XPO1: variants seen among roughly 807,000 people sequenced by gnomAD.
The protein encoded by XPO1 is exportin 1.
XPO1 carries 5 observed loss-of-function variants against 133.3 expected under a neutral mutation model. That is an observed-to-expected ratio of 0.04 (90% CI 0.02 to 0.08). The LOEUF is 0.08. XPO1 is among the 10% of genes least tolerant of loss of function. The probability of loss-of-function intolerance (pLI) is 1.00; values close to 1 mark genes in which losing one functional copy is unlikely to be tolerated. For missense variants in XPO1, 506 were observed against 1,267.5 expected (o/e 0.40, Z 9.12); for synonymous variants, 419 against 408.2 (o/e 1.03, Z -0.32).
chr2:61,515,848 C>G (rs1446394282), intron 4 of XPO1, among the ~76,000 whole-genome samples: 1 of 149,914 alleles, frequency 6.7e-6, no homozygotes, highest in Non-Finnish European at 1.5e-5. Context: ...CTTTGGGAGG[C>G]CGAGGAGGGT....
chr2:61,529,906 G>A (rs1457756241), intron 2 of XPO1, among the ~76,000 whole-genome samples: 3 of 152,130 alleles, frequency 2.0e-5, no homozygotes, highest in African/African-American at 7.2e-5. Flanking sequence ...GTGAGTCTGT[G>A]GTTACAAGAG....
Position 61,481,172 on chromosome 2 carries a change from A to G in XPO1, c.3069+13T>C. The G allele has an allele frequency of 6.4e-7, 1 of 1,573,054 alleles. No individual in the cohort carries two copies. The highest frequency in any genetic ancestry group is 8.7e-7 in the Non-Finnish European group (1 of 1,155,344). On this transcript the variant is annotated intron_variant, in intron 24 of 24. Coordinates refer to ENST00000401558, the MANE Select transcript of XPO1 (RefSeq NM_003400.4). Reference sequence around the variant, plus strand: ...TACCCCTAATATTTCTGCAAGAGCAAATAAATACATACCTTTATTTGAACT... The same window carrying G: ...TACCCCTAATATTTCTGCAAGAGCAGATAAATACATACCTTTATTTGAACT...
rs1443302048 is a variant in XPO1, at chr2:61,497,132, A to G, written c.760-125T>C. 4 of 1,200,468 alleles carry G rather than the reference A, an allele frequency of 3.3e-6. No homozygotes were observed. In the East Asian group the frequency reaches 7.9e-5, roughly 24 times the overall value. The allele number at this position is 1,200,468 out of a possible 1,614,324, so 74.4% of individuals were successfully genotyped here. A position where few individuals can be genotyped will look rare whatever the true frequency, so the allele number is the denominator to read the frequency against. ...TAGGGGTAGATGTCAAAAACAGGCCAAGTGAATGAACATATTTTATCATGC... is the reference window on the plus strand; with the variant it reads ...TAGGGGTAGATGTCAAAAACAGGCCGAGTGAATGAACATATTTTATCATGC... On this transcript the variant is annotated intron_variant, in intron 9 of 24. Transcript: ENST00000401558.
chr2:61,499,052 CAGA>C (rs1697377412), intron 7 of XPO1, 139 bp from the exon 8 acceptor site: 5 of 998,574 alleles, frequency 5.0e-6, no homozygotes, highest in African/African-American at 4.9e-5. Context: ...GAGGCCATGG[CAGA>C]AGGATTGTTT....
chr2:61,488,821 G>A (rs771849351), intron 17 of XPO1, 50 bp from the exon 18 acceptor site: 2 of 1,589,742 alleles, frequency 1.3e-6, no homozygotes, highest in South Asian at 2.3e-5. Flanking sequence ...ATTATCCACG[G>A]CTGGGAACAG....
In XPO1 at chr2:61,502,358, A is replaced by G. The variant is rs555336144; in HGVS notation, c.302-48T>C. 19 of 1,543,572 alleles carry G rather than the reference A, an allele frequency of 1.2e-5. 1 individual carries two copies. In the South Asian group the frequency reaches 1.9e-4, roughly 15 times the overall value. On this transcript the variant is annotated intron_variant, in intron 4 of 24. Coordinates refer to ENST00000401558, the MANE Select transcript of XPO1 (RefSeq NM_003400.4). ...TAAAAAAATTGTTGAGCTCTTTTGT[A>G]GCATGCAAATAAATTTTGAGAACTA... is the stretch of plus-strand genomic sequence containing the variant.
chr2:61,492,813 CATTTAGAAAAT>C lies in XPO1; in HGVS notation c.1385-76_1385-66del, dbSNP rs1189149471. 1.3e-6 allele frequency: 2 copies of C among 1,564,818 alleles called. No homozygotes were observed. Among genetic ancestry groups the C allele is most frequent in the African/African-American group, 1.4e-5 (1 of 72,956 alleles). On this transcript the variant is annotated intron_variant, in intron 13 of 24. Transcript: ENST00000401558. The surrounding 1 kb of genome is among the most constrained non-coding windows in gnomAD (Gnocchi z 5.6). ...AGAATTTTATTGATGAGTAACAATA[CATTTAGAAAAT>C]ATTTAGAAACTACAAGTACATTTCC...
chr2:61,501,098 T>C (rs760377473), intron 6 of XPO1, among the ~76,000 whole-genome samples: 26 of 152,136 alleles, frequency 1.7e-4, no homozygotes, highest in Non-Finnish European at 1.2e-4. Context: ...TTCTCTCCTC[T>C]CTCTCACCAC....
At chr2:61,532,378 C>A (rs1449851223) in intron 2 of XPO1, among the ~76,000 whole-genome samples, 1 of 151,936 alleles carries the variant, frequency 6.6e-6, no homozygotes, top group Non-Finnish European at 1.5e-5. Context: ...CCGCCGGCGT[C>A]GGCCTCTCAA....
intron 4 of XPO1, among the ~76,000 whole-genome samples, chr2:61,506,862 A>C (rs1463181805): frequency 6.6e-6 from 1 of 152,066 alleles, no homozygotes; most frequent in Non-Finnish European, 1.5e-5. Context: ...TCAGTTGCAA[A>C]ACAGACATTT....
intron 4 of XPO1, among the ~76,000 whole-genome samples, chr2:61,519,229 G>A (rs993101412): frequency 7.9e-5 from 12 of 152,228 alleles, no homozygotes; most frequent in African/African-American, 2.6e-4. Flanking sequence ...GATTACAGGC[G>A]TGAGCCACCG....
intron 9 of XPO1, among the ~76,000 whole-genome samples, chr2:61,497,608 G>T (rs927399681): frequency 6.6e-6 from 1 of 152,138 alleles, no homozygotes; most frequent in Non-Finnish European, 1.5e-5. Context: ...TACTTTCTGT[G>T]TAATTACACA....
intron 3 of XPO1, among the ~76,000 whole-genome samples, chr2:61,523,873 GTAC>G (rs1416053355): frequency 6.6e-6 from 1 of 152,108 alleles, no homozygotes; most frequent in African/African-American, 2.4e-5. Flanking sequence ...TTCAACTAAA[GTAC>G]TACATTTGCA....
chr2:61,500,291 C>A (rs1309715160), intron 6 of XPO1, among the ~76,000 whole-genome samples: 1 of 151,822 alleles, frequency 6.6e-6, no homozygotes, highest in Non-Finnish European at 1.5e-5. Flanking sequence ...CTGAGAACAG[C>A]CTGGCCAGGC....
intron 23 of XPO1, 33 bp downstream of exon 23, chr2:61,482,347 G>A: frequency 6.4e-7 from 1 of 1,558,984 alleles, no homozygotes; most frequent in Non-Finnish European, 8.7e-7. Context: ...GCCCGACCAG[G>A]AACATTCTAC....
At chr2:61,490,203 A>ATT (rs70963437) in intron 17 of XPO1, among the ~76,000 whole-genome samples, 379 of 141,956 alleles carry the variant, frequency 2.7e-3, no homozygotes, top group Middle Eastern at 3.7e-3. Flanking sequence ...TTTTTCATTT[A>ATT]TTTTTTTTTT....
chr2:61,504,018 C>G (rs113200895), intron 4 of XPO1, among the ~76,000 whole-genome samples: 7 of 152,190 alleles, frequency 4.6e-5, no homozygotes, highest in Non-Finnish European at 2.9e-5. Context: ...GCACTCCAGC[C>G]TGGGCAACAG....
At chr2:61,527,832 G>C (rs1698972003) in intron 2 of XPO1, among the ~76,000 whole-genome samples, 2 of 151,894 alleles carry the variant, frequency 1.3e-5, no homozygotes, top group South Asian at 4.1e-4. Flanking sequence ...TCTTGTGCTT[G>C]TATCAGATTT....
At position 61,478,149 on chromosome 2, in the gene XPO1, T is replaced by C. The variant is rs948823608; in HGVS notation, c.*671A>G. On this transcript the variant is annotated 3_prime_UTR_variant, in exon 25 of 25. Transcript: ENST00000401558. ...GCTCACAAATGAGCAACACTCCTCA[T>C]TGAGGAAAACAAAAAGCTGTTGTCG... The C allele has an allele frequency of 8.7e-6, 2 of 229,028 alleles. No individual in the cohort carries two copies. The highest frequency in any genetic ancestry group is 1.8e-4 in the South Asian group (1 of 5,482). The allele number at this position is 229,028 out of a possible 1,614,324, so 14.2% of individuals were successfully genotyped here.
Sources: gnomAD v4.1 joint callset for allele counts (sites outside exome capture counted in the v4.1 genomes callset) on GRCh38, gnomAD v4.1.1 for gene constraint, Gnocchi (gnomAD v3.1) non-coding constraint, MANE v1.5 for transcripts, NCBI Gene and HGNC (gene_info 2026-07-23, HGNC 2026-07-21) for gene names.